The following CALN1 variants were observed in gnomAD, a reference collection of about 807,000 sequenced individuals.
CALN1 encodes the protein calcium-binding protein 8.
In CALN1, 17 loss-of-function variants were observed where a neutral mutation model predicts 30.6. The ratio of observed to expected loss-of-function variants is 0.56; its 90% CI spans 0.38 to 0.83. The LOEUF (loss-of-function observed/expected upper bound fraction) is 0.83. Among genes scored for constraint, CALN1 ranks in the 40% least tolerant of loss-of-function variants. The pLI is 0.00. For synonymous variants in CALN1, 156 were observed against 131.4 expected, an observed-to-expected ratio of 1.19 and a Z score of -1.28; for missense variants, 291 against 354.9, an observed-to-expected ratio of 0.82 and a Z score of 1.45.
rs1343546128 is a variant in CALN1 at position 71,782,830 on chromosome 7, C to T, written c.*4945G>A. 6.6e-6 allele frequency: 1 copy of T among 152,176 alleles called. No homozygotes were observed. Among genetic ancestry groups the T allele is most frequent in the Non-Finnish European group, 1.5e-5 (1 of 68,062 alleles). 9.4% of individuals were successfully genotyped at this position (152,176 alleles called of 1,614,324 possible). On this transcript the variant is annotated 3_prime_UTR_variant, in exon 7 of 7. Transcript: ENST00000395275. ...CGATCTCAGCTCACTGCAGCCTCCG[C>T]CTCCAGGGTTCAAGTGATTCTCCCT...
chr7:72,364,715 T>C (rs955378661), intron 2 of CALN1, among the ~76,000 whole-genome samples: 3 of 152,252 alleles, frequency 2.0e-5, no homozygotes, highest in African/African-American at 4.8e-5. Flanking sequence ...AAGTGAGGTA[T>C]GGGTGTGTTA....
At chr7:72,307,904 A>G (rs2129556133) in intron 2 of CALN1, among the ~76,000 whole-genome samples, 1 of 152,312 alleles carries the variant, frequency 6.6e-6, no homozygotes, top group South Asian at 2.1e-4. Flanking sequence ...GACAAAAAAA[A>G]AAAAATGAAC....
At chr7:72,033,714 G>A (rs1024295613) in intron 4 of CALN1, among the ~76,000 whole-genome samples, 1 of 152,196 alleles carries the variant, frequency 6.6e-6, no homozygotes, top group African/African-American at 2.4e-5. Flanking sequence ...AGCAGGACAA[G>A]CTGGGCCCAG....
intron 3 of CALN1, among the ~76,000 whole-genome samples, chr7:72,201,464 AC>A (rs1474520058): frequency 1.3e-5 from 2 of 151,846 alleles, no homozygotes; most frequent in Non-Finnish European, 2.9e-5. Flanking sequence ...GGTGGTGCGC[AC>A]CTATAATCCC....
At position 71,796,085 on chromosome 7, in the gene CALN1, A is replaced by C. The variant is rs555003554; in HGVS notation, c.659-8183T>G. ...CGTGATCCACCCGCCTTGGCCTCCC[A>C]AAGTGCTGGGATTACAGGCATGAGC... On this transcript the variant is annotated intron_variant, in intron 6 of 6. Coordinates refer to ENST00000395275, the MANE Select transcript of CALN1 (RefSeq NM_031468.4). Among the ~76,000 whole-genome samples the C allele has an allele frequency of 4.5e-4, 69 of 152,012 alleles. 2 individuals are homozygous for C. Among genetic ancestry groups the C allele is most frequent in the African/African-American group, 1.7e-3 (69 of 41,502 alleles).
chr7:72,063,953 T>C (rs1803840925), intron 4 of CALN1, among the ~76,000 whole-genome samples: 1 of 152,196 alleles, frequency 6.6e-6, no homozygotes, highest in Non-Finnish European at 1.5e-5. Context: ...ATTGGACATA[T>C]GCCTTCTTGT....
intron 1 of CALN1, among the ~76,000 whole-genome samples, 180 bp downstream of exon 1, chr7:72,411,878 G>A (rs914965625): frequency 3.9e-5 from 6 of 152,198 alleles, no homozygotes; most frequent in African/African-American, 4.8e-5. Flanking sequence ...AATAGTTGAT[G>A]AAGCAACTCT....
chr7:71,861,531 G>A (rs1010569802), intron 5 of CALN1, among the ~76,000 whole-genome samples: 4 of 151,958 alleles, frequency 2.6e-5, no homozygotes, highest in African/African-American at 4.8e-5. Context: ...ATCCCAACAC[G>A]TTGGGTGGCC....
the CALN1 span, among the ~76,000 whole-genome samples, chr7:72,484,251 AT>A: frequency 1.4e-5 from 2 of 143,944 alleles, no homozygotes; most frequent in Non-Finnish European, 3.1e-5. Context: ...CTATTTTTAA[AT>A]TTTTATAAGT....
At chr7:71,853,687 C>T (rs1209649913) in intron 5 of CALN1, among the ~76,000 whole-genome samples, 1 of 152,108 alleles carries the variant, frequency 6.6e-6, no homozygotes, top group African/African-American at 2.4e-5. Flanking sequence ...TCAAGCAATT[C>T]TCCTGCCTCA....
chr7:72,144,632 A>T (rs1032148737), intron 3 of CALN1, among the ~76,000 whole-genome samples: 2 of 152,184 alleles, frequency 1.3e-5, no homozygotes, highest in Admixed American at 6.5e-5. Flanking sequence ...CCTAATAGAT[A>T]TCTACAGAAC....
chr7:72,030,856 C>T (rs1801394157), intron 4 of CALN1, among the ~76,000 whole-genome samples: 1 of 151,972 alleles, frequency 6.6e-6, no homozygotes, highest in Non-Finnish European at 1.5e-5. Context: ...AAGGGATCCT[C>T]CTGCCTCAGC....
In CALN1 at chr7:71,888,649, T is replaced by C. The variant is rs116158428; in HGVS notation, c.502-78157A>G. Among the ~76,000 whole-genome samples, 623 of 152,134 alleles carry C rather than the reference T, an allele frequency of 4.1e-3. 2 individuals carry two copies. The highest frequency in any genetic ancestry group is 0.013 in the African/African-American group (541 of 41,522). On this transcript the variant is annotated intron_variant, in intron 5 of 6. Coordinates refer to ENST00000395275, the MANE Select transcript of CALN1 (RefSeq NM_031468.4). ...AATAAAGTGAAGGGAACAGAAAGCA[T>C]ATGGCAATAGGTTGGGTGAGAAGGG...
chr7:71,967,454 C>T (rs1797581230), intron 5 of CALN1, among the ~76,000 whole-genome samples: 1 of 151,594 alleles, frequency 6.6e-6, no homozygotes, highest in Non-Finnish European at 1.5e-5. Context: ...ATAGCAAGAC[C>T]TTGTCTCTAC....
At chr7:72,353,863 A>C (rs1803076652) in intron 2 of CALN1, among the ~76,000 whole-genome samples, 1 of 152,202 alleles carries the variant, frequency 6.6e-6, no homozygotes, top group Non-Finnish European at 1.5e-5. Context: ...AATGCCAACA[A>C]TAAACAACTG....
chr7:72,341,922 G>C (rs1019752621), intron 2 of CALN1, among the ~76,000 whole-genome samples: 2 of 151,908 alleles, frequency 1.3e-5, no homozygotes, highest in African/African-American at 4.8e-5. Flanking sequence ...AAAAAATCAA[G>C]GATCTCTTGC....
chr7:72,442,964 A>C (rs191483384), intron 1 of CALN1, among the ~76,000 whole-genome samples: 1 of 151,690 alleles, frequency 6.6e-6, no homozygotes, highest in Non-Finnish European at 1.5e-5. Context: ...TAAGGGTTGC[A>C]CTTATTTAGG....
chr7:71,964,385 G>A (rs144299756), intron 5 of CALN1, among the ~76,000 whole-genome samples: 5,693 of 152,208 alleles, frequency 0.037, 147 homozygotes, highest in Non-Finnish European at 0.051. Context: ...CAGCTTTGCC[G>A]TCTGCAGACA....
intron 5 of CALN1, among the ~76,000 whole-genome samples, chr7:72,015,787 G>T (rs1160146646): frequency 6.6e-6 from 1 of 152,074 alleles, no homozygotes; most frequent in African/African-American, 2.4e-5. Context: ...TAATGCTGCT[G>T]GTCCAGGAAC....
Sources: allele counts gnomAD v4.1 joint callset (sites outside exome capture counted in the v4.1 genomes callset), GRCh38; gene constraint gnomAD v4.1.1; transcripts MANE v1.5; gene names NCBI Gene and HGNC (gene_info 2026-07-23, HGNC 2026-07-21).